The following RB1 variants were observed in gnomAD, a reference collection of about 807,000 sequenced individuals.
RB1 encodes the protein RB transcriptional corepressor 1, also known as retinoblastoma-associated protein.
In RB1, 18 loss-of-function variants were observed where a neutral mutation model predicts 135.4. The ratio of observed to expected loss-of-function variants is 0.13; its 90% CI spans 0.09 to 0.20. The LOEUF (loss-of-function observed/expected upper bound fraction) is 0.20. RB1 is among the 10% of genes least tolerant of loss of function. The probability of loss-of-function intolerance (pLI) is 1.00; values close to 1 mark genes in which losing one functional copy is unlikely to be tolerated. For missense variants in RB1, 868 were observed against 1,110.0 expected (o/e 0.78, Z 3.10); for synonymous variants, 365 against 373.2 (o/e 0.98, Z 0.25).
At chr13:48,360,550 G>A (rs1358221598) in intron 7 of RB1, 1 of 176,766 alleles carries the variant, frequency 5.7e-6, no homozygotes, top group Non-Finnish European at 1.2e-5. Flanking sequence ...ATGGGGAAGA[G>A]TGGCCTATTC....
chr13:48,417,957 T>G (rs567058787), intron 17 of RB1, among the ~76,000 whole-genome samples: 2 of 152,270 alleles, frequency 1.3e-5, no homozygotes, highest in South Asian at 4.1e-4. Flanking sequence ...AAAACACTCT[T>G]CAGGATATTA....
intron 17 of RB1, among the ~76,000 whole-genome samples, chr13:48,419,873 T>G (rs1038631433): frequency 2.0e-5 from 3 of 152,022 alleles, no homozygotes; most frequent in Non-Finnish European, 4.4e-5. Context: ...CAATAACAAG[T>G]TCTGAAATTG....
chr13:48,477,108 A>T (rs1336685912), intron 25 of RB1, among the ~76,000 whole-genome samples: 1 of 152,208 alleles, frequency 6.6e-6, no homozygotes, highest in Non-Finnish European at 1.5e-5. Context: ...CTTAACATTA[A>T]ATTTAAAAAT....
chr13:48,402,019 G>A (rs936243469), intron 17 of RB1, among the ~76,000 whole-genome samples: 5 of 151,942 alleles, frequency 3.3e-5, no homozygotes, highest in Non-Finnish European at 7.4e-5. Flanking sequence ...AGTAATGATA[G>A]TTTTTATATT....
chr13:48,463,688 T>TTCA, intron 20 of RB1, 43 bp from the exon 21 acceptor site: 1 of 1,147,326 alleles, frequency 8.7e-7, no homozygotes, highest in Non-Finnish European at 1.3e-6. Flanking sequence ...AACAAAACCA[T>TTCA]GTAATAAAAT....
chr13:48,394,239 C>T (rs1249652211), intron 17 of RB1, among the ~76,000 whole-genome samples: 1 of 152,212 alleles, frequency 6.6e-6, no homozygotes, highest in African/African-American at 2.4e-5. Flanking sequence ...ATGCTTTTCC[C>T]ACAGTCTTCG....
chr13:48,445,171 T>C (rs1949276415), intron 17 of RB1: 1 of 152,212 alleles, frequency 6.6e-6, no homozygotes, highest in South Asian at 2.1e-4. Flanking sequence ...TAAAGCAATA[T>C]GGATTATGGT....
intron 21 of RB1, among the ~76,000 whole-genome samples, chr13:48,464,312 A>C (rs1949423389): frequency 6.6e-6 from 1 of 152,188 alleles, no homozygotes; most frequent in Admixed American, 6.5e-5. Context: ...TGTTCTGTGG[A>C]AAGTGAGTTG....
chr13:48,449,583 C>A (rs1949313224), intron 17 of RB1, among the ~76,000 whole-genome samples: 1 of 152,222 alleles, frequency 6.6e-6, no homozygotes, highest in East Asian at 1.9e-4. Flanking sequence ...CATAGGGAGA[C>A]CCTGTCTCTA....
chr13:48,414,067 G>A (rs1020950807), intron 17 of RB1, among the ~76,000 whole-genome samples: 9 of 151,948 alleles, frequency 5.9e-5, no homozygotes, highest in African/African-American at 1.9e-4. Flanking sequence ...CATATTTTGG[G>A]CCAGGTGCAG....
At chr13:48,328,491 C>T in intron 2 of RB1, 2 of 812,740 alleles carry the variant, frequency 2.5e-6, no homozygotes, top group Non-Finnish European at 2.2e-6. Flanking sequence ...GAACTTTCCT[C>T]TCCATTACTC....
intron 17 of RB1, among the ~76,000 whole-genome samples, chr13:48,400,764 G>A (rs1043709960): frequency 6.6e-6 from 1 of 152,110 alleles, no homozygotes; most frequent in Non-Finnish European, 1.5e-5. Context: ...AGGAATAAAT[G>A]AGCATTTATG....
At chr13:48,408,781 A>G (rs1254805985) in intron 17 of RB1, 2 of 152,148 alleles carry the variant, frequency 1.3e-5, no homozygotes, top group Non-Finnish European at 2.9e-5. Flanking sequence ...TTGACAAGAG[A>G]CACCAAAAAG....
At chr13:48,464,575 G>T (rs567058208) in intron 21 of RB1, among the ~76,000 whole-genome samples, 54 of 152,176 alleles carry the variant, frequency 3.5e-4, no homozygotes, top group Non-Finnish European at 6.9e-4. Context: ...GATTGGGGGG[G>T]ATACCGGGAG....
rs200951171 is a variant in RB1, at chr13:48,396,888, GA to G, written c.1695+15452del. On this transcript the variant is annotated intron_variant, in intron 17 of 26. Coordinates refer to ENST00000267163, the MANE Select transcript of RB1 (RefSeq NM_000321.3). ...ATATTTATGTGGCCAACAAACATAT[GA>G]AAAAAAGCTCATCACCACTGGTCAT... Among the ~76,000 whole-genome samples the G allele has an allele frequency of 9.8e-3, 1,485 of 152,180 alleles. 26 individuals carry two copies. Among genetic ancestry groups the G allele is most frequent in the African/African-American group, 0.034 (1,424 of 41,516 alleles).
intron 2 of RB1, among the ~76,000 whole-genome samples, chr13:48,332,060 G>A (rs765046218): frequency 1.3e-5 from 2 of 152,216 alleles, no homozygotes; most frequent in South Asian, 2.1e-4. Flanking sequence ...CTTAAAAAAG[G>A]TAGGAAATCC....
intron 11 of RB1, among the ~76,000 whole-genome samples, chr13:48,370,909 C>T (rs1316736282): frequency 6.6e-6 from 1 of 152,212 alleles, no homozygotes; most frequent in African/African-American, 2.4e-5. Context: ...TTCCTAGGGG[C>T]TGCCAGCCAT....
chr13:48,316,997 C>A, intron 2 of RB1: 1 of 496,758 alleles, frequency 2.0e-6, no homozygotes, highest in Non-Finnish European at 3.5e-6. Flanking sequence ...GTCAATACCT[C>A]AGGTCTAAAA....
intron 2 of RB1, chr13:48,318,110 G>T: frequency 1.9e-6 from 1 of 524,498 alleles, no homozygotes; most frequent in Non-Finnish European, 3.4e-6. Flanking sequence ...CCCTCACTCG[G>T]AAGGCCGGGG....
Sources: gnomAD v4.1 joint callset for allele counts (sites outside exome capture counted in the v4.1 genomes callset) on GRCh38, gnomAD v4.1.1 for gene constraint, MANE v1.5 for transcripts, NCBI Gene and HGNC (gene_info 2026-07-23, HGNC 2026-07-21) for gene names.